Variants in VSNL1 observed in about 807,000 individuals in gnomAD.
VSNL1 encodes the protein visinin like 1.
A neutral mutation model predicts 20.4 loss-of-function variants in VSNL1; 6 were observed. The ratio of observed to expected loss-of-function variants is 0.29; its 90% CI spans 0.16 to 0.58. The LOEUF is 0.58. VSNL1 is among the 20% of genes least tolerant of loss of function. The pLI is 0.90. For synonymous variants in VSNL1, 93 were observed against 86.4 expected (o/e 1.08, Z -0.42); for missense variants, 100 against 234.5 (o/e 0.43, Z 3.75).
At chr2:17,540,429 C>T (rs1330477883), upstream of VSNL1, among the ~76,000 whole-genome samples, 1 of 152,224 alleles carries the variant, frequency 6.6e-6, no homozygotes, top group Non-Finnish European at 1.5e-5. Context: ...GCTCCGGTAG[C>T]CGGACTCCCT....
At chr2:17,653,024 G>A (rs1277608907) in intron 3 of VSNL1, among the ~76,000 whole-genome samples, 1 of 152,188 alleles carries the variant, frequency 6.6e-6, no homozygotes, top group East Asian at 1.9e-4. Context: ...TGTAAAGTCT[G>A]AAAACAGCTA....
At chr2:17,587,348 AACACACACACAC>A (rs67537461) in intron 1 of VSNL1, among the ~76,000 whole-genome samples, 125 of 134,662 alleles carry the variant, frequency 9.3e-4, no homozygotes, top group African/African-American at 1.9e-3. Context: ...GGCTGAGGGC[AACACACACACAC>A]ACACACACAC....
chr2:17,612,615 A>AT (rs1558300025), intron 2 of VSNL1, among the ~76,000 whole-genome samples: 1 of 152,178 alleles, frequency 6.6e-6, no homozygotes. Flanking sequence ...AGGAGTATGC[A>AT]TTTTTGATTC....
intron 3 of VSNL1, among the ~76,000 whole-genome samples, chr2:17,651,830 A>G (rs1484459043): frequency 6.6e-6 from 1 of 152,222 alleles, no homozygotes; most frequent in East Asian, 1.9e-4. Context: ...GACACGTGTA[A>G]TAATTTTTAT....
intron 1 of VSNL1, among the ~76,000 whole-genome samples, chr2:17,555,234 A>C (rs1558280367): frequency 1.3e-5 from 2 of 152,220 alleles, no homozygotes; most frequent in African/African-American, 4.8e-5. Context: ...TAAACTAGTT[A>C]CTAATTCTCA....
intron 2 of VSNL1, among the ~76,000 whole-genome samples, chr2:17,606,110 C>T (rs1347843799): frequency 6.6e-6 from 1 of 152,168 alleles, no homozygotes; most frequent in African/African-American, 2.4e-5. Flanking sequence ...CATTGAAACC[C>T]AGCAGTTGGA....
At chr2:17,624,193 G>C (rs1027329371) in intron 2 of VSNL1, among the ~76,000 whole-genome samples, 1 of 152,208 alleles carries the variant, frequency 6.6e-6, no homozygotes, top group Non-Finnish European at 1.5e-5. Flanking sequence ...GATTTTGGCT[G>C]ATCAATTTCA....
At chr2:17,560,710 C>T (rs980304527) in intron 1 of VSNL1, among the ~76,000 whole-genome samples, 3 of 152,102 alleles carry the variant, frequency 2.0e-5, no homozygotes, top group African/African-American at 7.2e-5. Flanking sequence ...AATAAGCAAT[C>T]AAGAAGCTAT....
chr2:17,587,522 C>A (rs1484968883), intron 1 of VSNL1, among the ~76,000 whole-genome samples: 1 of 152,158 alleles, frequency 6.6e-6, no homozygotes, highest in African/African-American at 2.4e-5. Context: ...CTTCTAGGAG[C>A]ATTCTTAAAT....
intron 2 of VSNL1, among the ~76,000 whole-genome samples, chr2:17,626,581 T>C (rs1314210458): frequency 7.7e-6 from 1 of 130,040 alleles, no homozygotes; most frequent in African/African-American, 2.9e-5. Flanking sequence ...TGCCCCTGTG[T>C]CTGCAGAGGA....
chr2:17,600,682 C>G (rs1664802872), intron 2 of VSNL1, among the ~76,000 whole-genome samples: 1 of 152,076 alleles, frequency 6.6e-6, no homozygotes, highest in African/African-American at 2.4e-5. Flanking sequence ...GGTTTTAATT[C>G]CTTAAGGAAT....
chr2:17,645,213 C>T (rs1482689611), intron 2 of VSNL1, among the ~76,000 whole-genome samples: 2 of 152,222 alleles, frequency 1.3e-5, no homozygotes, highest in East Asian at 1.9e-4. Context: ...AGGCATCCTC[C>T]GAAGTAGCCT....
intron 2 of VSNL1, among the ~76,000 whole-genome samples, chr2:17,615,826 A>G (rs1044696933): frequency 2.6e-5 from 4 of 152,242 alleles, no homozygotes; most frequent in African/African-American, 9.6e-5. Context: ...AAGATTTCCA[A>G]AAAGTGCCTT....
At chr2:17,645,090 A>G (rs1558310913) in intron 2 of VSNL1, among the ~76,000 whole-genome samples, 1 of 152,194 alleles carries the variant, frequency 6.6e-6, no homozygotes, top group Non-Finnish European at 1.5e-5. Context: ...TTGAAGCCCT[A>G]TTTCCTATCA....
chr2:17,569,314 A>T (rs530325716), intron 1 of VSNL1, among the ~76,000 whole-genome samples: 13 of 150,818 alleles, frequency 8.6e-5, no homozygotes, highest in African/African-American at 3.1e-4. Flanking sequence ...CTCAAAAAAA[A>T]AATAAAAATA....
At chr2:17,554,743 T>C (rs1172282303) in intron 1 of VSNL1, among the ~76,000 whole-genome samples, 2 of 152,108 alleles carry the variant, frequency 1.3e-5, no homozygotes, top group Non-Finnish European at 2.9e-5. Flanking sequence ...TATTCGCTCA[T>C]TGTGAAAATT....
chr2:17,637,169 G>C (rs1324345602), intron 2 of VSNL1, among the ~76,000 whole-genome samples: 2 of 152,192 alleles, frequency 1.3e-5, no homozygotes, highest in Admixed American at 1.3e-4. Flanking sequence ...CCCAGTGGAG[G>C]CATCTTTATT....
intron 1 of VSNL1, among the ~76,000 whole-genome samples, chr2:17,554,827 A>G (rs184581350): frequency 4.9e-4 from 74 of 152,298 alleles, no homozygotes; most frequent in Middle Eastern, 6.8e-3. Flanking sequence ...TCCATTTTCA[A>G]TATTGTTTTC....
At chr2:17,548,296 C>G (rs1663446969) in intron 1 of VSNL1, among the ~76,000 whole-genome samples, 1 of 151,754 alleles carries the variant, frequency 6.6e-6, no homozygotes, top group Non-Finnish European at 1.5e-5. Flanking sequence ...AGGTTTTCCC[C>G]CCTTCTTCCT....
Sources: gnomAD v4.1 joint callset for allele counts (sites outside exome capture counted in the v4.1 genomes callset) on GRCh38, gnomAD v4.1.1 for gene constraint, MANE v1.5 for transcripts, NCBI Gene and HGNC (gene_info 2026-07-23, HGNC 2026-07-21) for gene names.